Variants in PCDH9 observed in about 807,000 individuals in gnomAD.
PCDH9 encodes the protein protocadherin 9, also known as protocadherin-9.
Under a neutral mutation model 70.6 loss-of-function variants are expected in PCDH9, and 24 were observed. That is an observed-to-expected ratio of 0.34 (90% CI 0.25 to 0.48). PCDH9 has a LOEUF of 0.48. PCDH9 is among the 20% of genes least tolerant of loss of function. The pLI is 0.99. For missense variants in PCDH9, 1,281 were observed against 1,503.6 expected (o/e 0.85, Z 2.45); for synonymous variants, 562 against 558.5 (o/e 1.01, Z -0.09).
chr13:66,332,734 A>G (rs1179312979), intron 4 of PCDH9, among the ~76,000 whole-genome samples: 2 of 152,044 alleles, frequency 1.3e-5, no homozygotes, highest in East Asian at 3.9e-4. Context: ...TCTGGGCAAC[A>G]GGAACCAGAG....
chr13:66,697,175 G>A (rs1416904321), intron 3 of PCDH9, among the ~76,000 whole-genome samples: 3 of 152,084 alleles, frequency 2.0e-5, no homozygotes, highest in Non-Finnish European at 4.4e-5. Flanking sequence ...TTTTAAGAAT[G>A]TTTTTAAGCT....
chr13:66,558,578 A>AT (rs1323172342), intron 4 of PCDH9, among the ~76,000 whole-genome samples: 1 of 151,964 alleles, frequency 6.6e-6, no homozygotes, highest in Non-Finnish European at 1.5e-5. Flanking sequence ...ACAGACAGAA[A>AT]TTTTTTTAAA....
intron 3 of PCDH9, among the ~76,000 whole-genome samples, chr13:66,787,370 C>T (rs1191790126): frequency 6.6e-6 from 1 of 152,074 alleles, no homozygotes; most frequent in Non-Finnish European, 1.5e-5. Context: ...AATCACAGCA[C>T]TTTGGGAGGC....
intron 4 of PCDH9, among the ~76,000 whole-genome samples, chr13:66,573,283 T>G (rs1373576538): frequency 6.7e-6 from 1 of 148,416 alleles, no homozygotes; most frequent in Non-Finnish European, 1.5e-5. Flanking sequence ...TTTTTTTTTT[T>G]GCTGGTGAGT....
intron 3 of PCDH9, among the ~76,000 whole-genome samples, chr13:66,819,608 GAC>G (rs1349320149): frequency 1.3e-5 from 2 of 152,160 alleles, no homozygotes; most frequent in African/African-American, 2.4e-5. Context: ...ATATGCTTTT[GAC>G]CAGGCATAGT....
At chr13:67,073,694 C>G (rs2085814211) in intron 2 of PCDH9, among the ~76,000 whole-genome samples, 1 of 151,924 alleles carries the variant, frequency 6.6e-6, no homozygotes, top group African/African-American at 2.4e-5. Flanking sequence ...TGTATACTTT[C>G]CAGTTTTAAT....
intron 3 of PCDH9, among the ~76,000 whole-genome samples, chr13:66,657,799 TA>T (rs1458341121): frequency 2.0e-5 from 3 of 152,300 alleles, no homozygotes; most frequent in South Asian, 2.1e-4. Context: ...ATTACCTGTT[TA>T]TTATGATGTG....
intron 3 of PCDH9, among the ~76,000 whole-genome samples, chr13:66,760,570 G>T (rs1358328176): frequency 6.6e-6 from 1 of 152,118 alleles, no homozygotes; most frequent in Non-Finnish European, 1.5e-5. Context: ...TGTGATGATT[G>T]TTATCTGTAC....
At chr13:66,887,746 A>G (rs2082031245) in intron 3 of PCDH9, among the ~76,000 whole-genome samples, 1 of 152,236 alleles carries the variant, frequency 6.6e-6, no homozygotes, top group South Asian at 2.1e-4. Context: ...CATCTCTGGT[A>G]TTGTAAATAA....
chr13:66,489,627 G>C (rs1959001256), intron 4 of PCDH9, among the ~76,000 whole-genome samples: 1 of 152,012 alleles, frequency 6.6e-6, no homozygotes, highest in Admixed American at 6.6e-5. Flanking sequence ...TTGATTATTA[G>C]TATACAACTA....
chr13:66,339,052 C>T (rs777153765), intron 4 of PCDH9, among the ~76,000 whole-genome samples: 1 of 151,976 alleles, frequency 6.6e-6, no homozygotes, highest in Non-Finnish European at 1.5e-5. Context: ...CATGCACATC[C>T]TTTAGTTTCA....
chr13:66,869,974 G>A (rs558224852), intron 3 of PCDH9, among the ~76,000 whole-genome samples: 25 of 152,124 alleles, frequency 1.6e-4, no homozygotes, highest in Non-Finnish European at 2.9e-4. Flanking sequence ...TGCTTTTGGT[G>A]TTTTAGACAT....
intron 4 of PCDH9, among the ~76,000 whole-genome samples, chr13:66,524,273 A>G: frequency 6.6e-6 from 1 of 151,928 alleles, no homozygotes; most frequent in South Asian, 2.1e-4. Flanking sequence ...TTCCTTTGAT[A>G]TGAATTCTGT....
intron 3 of PCDH9, among the ~76,000 whole-genome samples, chr13:66,662,336 G>A (rs973112839): frequency 2.6e-5 from 4 of 151,916 alleles, no homozygotes; most frequent in South Asian, 2.1e-4. Context: ...AGCCAGCCGT[G>A]GTGGCTCATG....
chr13:66,677,433 T>G (rs1421528416), intron 3 of PCDH9, among the ~76,000 whole-genome samples: 1 of 152,094 alleles, frequency 6.6e-6, no homozygotes, highest in Non-Finnish European at 1.5e-5. Flanking sequence ...GCAGCTGGTA[T>G]AGTTTGGATA....
intron 4 of PCDH9, among the ~76,000 whole-genome samples, chr13:66,526,418 A>C (rs560833698): frequency 2.0e-5 from 3 of 152,232 alleles, no homozygotes; most frequent in Non-Finnish European, 4.4e-5. Flanking sequence ...CTCAACTCAA[A>C]GTTCAGAAAT....
intron 4 of PCDH9, among the ~76,000 whole-genome samples, chr13:66,363,136 A>G (rs546629007): frequency 6.6e-6 from 1 of 152,210 alleles, no homozygotes; most frequent in South Asian, 2.1e-4. Context: ...CTGAGATTGC[A>G]CCACTGCACT....
chr13:67,206,835 T>A (rs1274615029), intron 2 of PCDH9: 1 of 152,154 alleles, frequency 6.6e-6, no homozygotes, highest in Admixed American at 6.5e-5. Context: ...GATACACTTG[T>A]TATCATTAGA....
chr13:66,890,166 T>A (rs1015813446), intron 3 of PCDH9, among the ~76,000 whole-genome samples: 7 of 152,118 alleles, frequency 4.6e-5, no homozygotes, highest in Non-Finnish European at 7.4e-5. Context: ...AAAGAAAAAA[T>A]TCATTCTCTA....
Sources: gnomAD v4.1 joint callset for allele counts (sites outside exome capture counted in the v4.1 genomes callset) on GRCh38, gnomAD v4.1.1 for gene constraint, MANE v1.5 for transcripts, NCBI Gene and HGNC (gene_info 2026-07-23, HGNC 2026-07-21) for gene names.